Variants in ADRA1A observed in about 807,000 individuals in gnomAD.
ADRA1A encodes the protein alpha-1A adrenergic receptor.
A neutral mutation model predicts 29.6 loss-of-function variants in ADRA1A; 31 were observed. The ratio of observed to expected loss-of-function variants is 1.05; its 90% CI spans 0.79 to 1.41. The LOEUF is 1.41. Among genes scored for constraint, ADRA1A ranks in the 40% most tolerant of loss-of-function variants. ADRA1A has a pLI of 0.00. For missense variants in ADRA1A, 619 were observed against 601.1 expected (o/e 1.03, Z -0.31); for synonymous variants, 311 against 254.3 (o/e 1.22, Z -2.12).
rs932977295 is a variant in ADRA1A at position 26,848,967 on chromosome 8, C to A, written c.883+15120G>T. On this transcript the variant is annotated intron_variant, in intron 2 of 2. Transcript: ENST00000380573. This position sits in a 1 kb window ranked among gnomAD's most constrained non-coding sequence, Gnocchi z 4.3. The stretch of plus-strand genomic sequence containing the variant: ...CCACTTCTGCTTCACACTCTGATAT[C>A]CCCATGAAAAGGAGCCTGCACACAG... Among the ~76,000 whole-genome samples the A allele has an allele frequency of 5.9e-5, 9 of 152,168 alleles. No homozygotes were observed. The highest frequency in any genetic ancestry group is 2.2e-4 in the African/African-American group (9 of 41,436).
intron 2 of ADRA1A, among the ~76,000 whole-genome samples, chr8:26,853,326 A>G (rs1408297014): frequency 6.6e-6 from 1 of 152,224 alleles, no homozygotes; most frequent in African/African-American, 2.4e-5. Context: ...GCTTAAAACT[A>G]AAGTCTAAAC....
chr8:26,842,146 G>A (rs940230803), intron 2 of ADRA1A, among the ~76,000 whole-genome samples: 2 of 152,192 alleles, frequency 1.3e-5, no homozygotes, highest in African/African-American at 2.4e-5. Context: ...GGATGGAAAT[G>A]TTCTCTGCCT....
chr8:26,779,002 G>A (rs988585874), intron 2 of ADRA1A: 8 of 192,346 alleles, frequency 4.2e-5, no homozygotes, highest in Non-Finnish European at 7.3e-5. Flanking sequence ...ATCTCTCCCT[G>A]AGACCACCCA....
chr8:26,847,754 C>T (rs934931945), intron 2 of ADRA1A, among the ~76,000 whole-genome samples: 3 of 152,196 alleles, frequency 2.0e-5, no homozygotes, highest in Non-Finnish European at 4.4e-5. Flanking sequence ...ACAAACCACA[C>T]TTCTTCCCAA....
At chr8:26,770,806 A>G in intron 2 of ADRA1A, 140 bp from the exon 3 acceptor site, 1 of 1,234,694 alleles carries the variant, frequency 8.1e-7, no homozygotes, top group Non-Finnish European at 1.1e-6. Flanking sequence ...CTCACATTTG[A>G]CTGACTAGCT....
intron 2 of ADRA1A, among the ~76,000 whole-genome samples, chr8:26,778,369 G>T (rs1806703489): frequency 2.0e-5 from 3 of 152,088 alleles, no homozygotes; most frequent in South Asian, 4.2e-4. Flanking sequence ...AAGATTATTT[G>T]TTCAGGAAAA....
Position 26,836,936 on chromosome 8 carries a change from A to G in ADRA1A, c.883+27151T>C, listed in dbSNP as rs550475406. Among the ~76,000 whole-genome samples, 5 of 152,238 alleles carry G rather than the reference A, an allele frequency of 3.3e-5. No individual in the cohort carries two copies. In the South Asian group the frequency reaches 1.0e-3, roughly 32 times the overall value. ...GTTCCAAAGAGCTGAGAGAAGGGCA[A>G]ACGACCAGCCCAGGAAGGCAGCATA... On this transcript the variant is annotated intron_variant, in intron 2 of 2. Coordinates refer to ENST00000380573, the MANE Select transcript of ADRA1A (RefSeq NM_000680.4).
intron 2 of ADRA1A, chr8:26,858,955 A>G (rs536401): frequency 0.94 from 924,787 of 988,558 alleles, 434,296 homozygotes; most frequent in Non-Finnish European, 0.95. Flanking sequence ...CCTTAGTGGA[A>G]AGAAGCTTGG....
At chr8:26,766,440 T>C (rs1805794562), downstream of ADRA1A, among the ~76,000 whole-genome samples, 1 of 152,176 alleles carries the variant, frequency 6.6e-6, no homozygotes, top group Non-Finnish European at 1.5e-5. Flanking sequence ...CATTAACTCC[T>C]AAAAATGTGA....
At position 26,847,339 on chromosome 8, in the gene ADRA1A, G is replaced by A. The variant is rs902442856; in HGVS notation, c.883+16748C>T. Among the ~76,000 whole-genome samples, 38 of 152,102 alleles carry A rather than the reference G, an allele frequency of 2.5e-4. 1 individual carries two copies. Among genetic ancestry groups the A allele is most frequent in the Non-Finnish European group, 1.8e-4 (12 of 68,020 alleles). On this transcript the variant is annotated intron_variant, in intron 2 of 2. Transcript: ENST00000380573. ...CCTCCTGGAGGTCAACATCACCCCC[G>A]ATTGAGAACTACTAATGTGACCTCT...
intron 2 of ADRA1A, among the ~76,000 whole-genome samples, chr8:26,862,625 G>A (rs1260028770): frequency 3.9e-5 from 6 of 152,290 alleles, no homozygotes; most frequent in African/African-American, 1.4e-4. Context: ...GTACTTCCAG[G>A]AGCAGAGTAA....
rs564052392 is a variant in ADRA1A at position 26,769,480 on chromosome 8, A to G, written c.*669T>C. The G allele has an allele frequency of 6.9e-5, 68 of 985,398 alleles. No homozygotes were observed. The highest frequency in any genetic ancestry group is 3.7e-4 in the Admixed American group (6 of 16,284). The allele number at this position is 985,398 out of a possible 1,614,324, so 61.0% of individuals were successfully genotyped here. On this transcript the variant is annotated 3_prime_UTR_variant, in exon 3 of 3. Transcript: ENST00000380573. ...ACCCTCTCCTGACCCAAGGATAGAG[A>G]ACACTACATTCCAAGACATCATGAG...
chr8:26,789,036 A>G (rs1219210986), intron 2 of ADRA1A, among the ~76,000 whole-genome samples: 2 of 152,152 alleles, frequency 1.3e-5, no homozygotes, highest in African/African-American at 4.8e-5. Context: ...TGCATGCACC[A>G]ACACGTCATC....
At chr8:26,763,711 G>A (rs2130228189), downstream of ADRA1A, among the ~76,000 whole-genome samples, 1 of 152,330 alleles carries the variant, frequency 6.6e-6, no homozygotes, top group South Asian at 2.1e-4. The surrounding 1 kb of genome is among the most constrained non-coding windows in gnomAD (Gnocchi z 4.5). Flanking sequence ...TAACGGCATA[G>A]ATCATGACGG....
chr8:26,867,009 G>C lies in ADRA1A; in HGVS notation c.-760C>G, dbSNP rs972353978. 1.0e-6 allele frequency: 1 copy of C among 985,166 alleles called. No individual in the cohort carries two copies. The highest frequency in any genetic ancestry group is 1.7e-5 in the African/African-American group (1 of 57,160). 61.0% of individuals were successfully genotyped at this position (985,166 alleles called of 1,614,324 possible). ...CCGGCTTCGGTCCCGGGAGCTGCCTGCCTGCTCTTCTCTGGAGGCGGAGAG... is the reference window on the plus strand; with the variant it reads ...CCGGCTTCGGTCCCGGGAGCTGCCTCCCTGCTCTTCTCTGGAGGCGGAGAG... On this transcript the variant is annotated 5_prime_UTR_variant, in exon 1 of 3. Transcript: ENST00000380573.
intron 2 of ADRA1A, among the ~76,000 whole-genome samples, chr8:26,838,002 T>C (rs1811514548): frequency 6.6e-6 from 1 of 152,244 alleles, no homozygotes; most frequent in Non-Finnish European, 1.5e-5. Context: ...TTGTGTTGTT[T>C]TTCCGGCTTG....
chr8:26,797,730 G>A (rs901378514), intron 2 of ADRA1A, among the ~76,000 whole-genome samples: 1 of 151,994 alleles, frequency 6.6e-6, no homozygotes, highest in Non-Finnish European at 1.5e-5. Flanking sequence ...AGAGTGTAGA[G>A]GGGTCTTAAG....
Position 26,825,232 on chromosome 8 carries a change from G to A in ADRA1A, c.883+38855C>T, listed in dbSNP as rs1810468145. ...GAGAGAGGAGACAGTTCCTTCTTTA[G>A]GGAATGGGGGTCATAGAGATATCTT... On this transcript the variant is annotated intron_variant, in intron 2 of 2. Coordinates refer to ENST00000380573, the MANE Select transcript of ADRA1A (RefSeq NM_000680.4). This position sits in a 1 kb window ranked among gnomAD's most constrained non-coding sequence, Gnocchi z 5.7. 6.6e-6 allele frequency among the ~76,000 whole-genome samples: 1 copy of A among 152,150 alleles called. No individual in the cohort carries two copies. The highest frequency in any genetic ancestry group is 2.4e-5 in the African/African-American group (1 of 41,412).
chr8:26,845,584 G>T (rs887445314), intron 2 of ADRA1A, among the ~76,000 whole-genome samples: 1 of 152,150 alleles, frequency 6.6e-6, no homozygotes, highest in East Asian at 1.9e-4. Context: ...ACTCCTAGGG[G>T]TATACCTAAA....
Sources: allele counts gnomAD v4.1 joint callset (sites outside exome capture counted in the v4.1 genomes callset), GRCh38; gene constraint gnomAD v4.1.1; non-coding constraint Gnocchi (gnomAD v3.1); transcripts MANE v1.5; gene names NCBI Gene and HGNC (gene_info 2026-07-23, HGNC 2026-07-21).